Variants in TENM4 observed in about 807,000 individuals in gnomAD.
TENM4 encodes teneurin-4.
Under a neutral mutation model 243.3 loss-of-function variants are expected in TENM4, and 82 were observed. The ratio of observed to expected loss-of-function variants is 0.34; its 90% CI spans 0.28 to 0.40. The LOEUF is 0.40. TENM4 is among the 10% of genes least tolerant of loss of function. The pLI is 1.00. For missense variants in TENM4, 3,138 were observed against 3,673.3 expected (o/e 0.85, Z 3.77); for synonymous variants, 1,412 against 1,456.3 (o/e 0.97, Z 0.69).
chr11:79,034,226 A>G (rs1010571964), intron 6 of TENM4, among the ~76,000 whole-genome samples: 3 of 152,224 alleles, frequency 2.0e-5, no homozygotes, highest in African/African-American at 7.2e-5. Flanking sequence ...AGAAGCTTTC[A>G]TCATGTATAT....
At chr11:79,302,566 T>G (rs2135400550) in intron 1 of TENM4, among the ~76,000 whole-genome samples, 1 of 152,360 alleles carries the variant, frequency 6.6e-6, no homozygotes, top group East Asian at 1.9e-4. Context: ...TTAGCATTAT[T>G]GACTTGATGG....
intron 2 of TENM4, among the ~76,000 whole-genome samples, chr11:79,279,007 G>A (rs973671352): frequency 2.0e-5 from 3 of 152,138 alleles, no homozygotes; most frequent in Non-Finnish European, 4.4e-5. Context: ...TCTGAGCCCA[G>A]ACACACGTCT....
At chr11:79,302,856 C>T (rs1856571521) in intron 1 of TENM4, among the ~76,000 whole-genome samples, 1 of 152,192 alleles carries the variant, frequency 6.6e-6, no homozygotes, top group Non-Finnish European at 1.5e-5. Flanking sequence ...CACCACAAAG[C>T]ACCTTAGGCA....
chr11:78,666,425 T>C lies in TENM4; in HGVS notation c.7408+2512A>G, dbSNP rs778152938. Among the ~76,000 whole-genome samples, 50 of 152,190 alleles carry C rather than the reference T, an allele frequency of 3.3e-4. 1 individual carries two copies. Among genetic ancestry groups the C allele is most frequent in the Non-Finnish European group, 4.4e-5 (3 of 68,032 alleles). The stretch of plus-strand genomic sequence containing the variant: ...ATGGTGGGTTCCTAGTCAAAGAAAT[T>C]TGAGAAAAGCTGCCTTGGACCCTGT... On this transcript the variant is annotated intron_variant, in intron 32 of 33. Coordinates refer to ENST00000278550, the MANE Select transcript of TENM4 (RefSeq NM_001098816.3).
Position 78,722,912 on chromosome 11 carries a change from G to A in TENM4, c.3556C>T (p.Leu1186=). 6.2e-7 allele frequency: 1 copy of A among 1,613,304 alleles called. No homozygotes were observed. ...HHALNIQSGI[L]HKGNGENQFV... is the part of the protein sequence containing the mutation. ...TGGTTCTCCCCATTCCCTTTGTGCA[G>A]GATGCCTGGGACAAGGAAAGAACAG... The change falls in exon 24 of 34, where the codon CTG becomes TTG. Residue 1186 remains leucine, a synonymous_variant. Transcript: ENST00000278550.
intron 6 of TENM4, among the ~76,000 whole-genome samples, chr11:79,032,413 C>T (rs1215550968): frequency 6.6e-6 from 1 of 152,190 alleles, no homozygotes; most frequent in Non-Finnish European, 1.5e-5. Flanking sequence ...AAATGGCTGT[C>T]CAGGGTCACA....
At chr11:78,659,670 T>A (rs550167863) in intron 33 of TENM4, among the ~76,000 whole-genome samples, 3 of 152,286 alleles carry the variant, frequency 2.0e-5, no homozygotes, top group Non-Finnish European at 4.4e-5. Flanking sequence ...CTCCACTGCA[T>A]TTACATCTGA....
intron 2 of TENM4, among the ~76,000 whole-genome samples, chr11:79,235,995 G>A (rs1864463116): frequency 6.6e-6 from 1 of 152,096 alleles, no homozygotes; most frequent in Admixed American, 6.6e-5. Context: ...CTGCTGCCCT[G>A]TAAACAATGC....
intron 4 of TENM4, among the ~76,000 whole-genome samples, chr11:79,087,748 A>G (rs1037546134): frequency 1.3e-5 from 2 of 152,306 alleles, no homozygotes; most frequent in Middle Eastern, 3.4e-3. Flanking sequence ...GAATGTCCTT[A>G]ATCACTCTGC....
At chr11:78,665,807 T>C (rs1344007425) in intron 32 of TENM4, among the ~76,000 whole-genome samples, 1 of 152,230 alleles carries the variant, frequency 6.6e-6, no homozygotes, top group Non-Finnish European at 1.5e-5. Context: ...GATATATCTG[T>C]AGCGGACATT....
intron 6 of TENM4, among the ~76,000 whole-genome samples, chr11:78,934,614 A>G (rs916589991): frequency 1.3e-5 from 2 of 152,202 alleles, no homozygotes; most frequent in African/African-American, 4.8e-5. Flanking sequence ...CTCTCTTCCC[A>G]GAGTGAATTT....
intron 6 of TENM4, among the ~76,000 whole-genome samples, chr11:79,007,134 A>G (rs1481685550): frequency 1.3e-5 from 2 of 152,210 alleles, no homozygotes; most frequent in Non-Finnish European, 2.9e-5. Flanking sequence ...ATGTGAGCCA[A>G]TTCTTTAAAA....
intron 4 of TENM4, among the ~76,000 whole-genome samples, chr11:79,103,258 C>G (rs1490410204): frequency 3.3e-5 from 5 of 152,190 alleles, no homozygotes; most frequent in South Asian, 4.1e-4. Flanking sequence ...ACTCCCCCCT[C>G]CCCTGGGATT....
intron 4 of TENM4, among the ~76,000 whole-genome samples, chr11:79,094,455 G>T (rs1023610572): frequency 2.6e-5 from 4 of 152,128 alleles, no homozygotes; most frequent in African/African-American, 9.7e-5. Context: ...ATCTGACTCC[G>T]AGCCCATATT....
intron 6 of TENM4, among the ~76,000 whole-genome samples, chr11:79,008,941 T>C (rs906418000): frequency 7.2e-5 from 11 of 152,184 alleles, no homozygotes; most frequent in Non-Finnish European, 1.3e-4. Flanking sequence ...TATAAACATA[T>C]CTTCTATGTA....
chr11:78,815,318 G>A lies in TENM4; in HGVS notation c.1682-923C>T, dbSNP rs555882491. ...GGAGACTCACTAGAACCTGGGAGGCGGAAGGTGCAGTGAGCCGAGATTGCA... is the reference window on the plus strand; with the variant it reads ...GGAGACTCACTAGAACCTGGGAGGCAGAAGGTGCAGTGAGCCGAGATTGCA... On this transcript the variant is annotated intron_variant, in intron 12 of 33. Transcript: ENST00000278550. Among the ~76,000 whole-genome samples, 55 of 152,172 alleles carry A rather than the reference G, an allele frequency of 3.6e-4. 1 individual carries two copies. The South Asian group carries it at 0.01, about 28-fold the overall frequency.
At chr11:79,003,459 C>T (rs1858389075) in intron 6 of TENM4, among the ~76,000 whole-genome samples, 1 of 152,070 alleles carries the variant, frequency 6.6e-6, no homozygotes, top group Non-Finnish European at 1.5e-5. Flanking sequence ...GAACTTTCAG[C>T]AGAAATCCCA....
chr11:78,904,384 T>TA (rs201004213), intron 6 of TENM4, among the ~76,000 whole-genome samples: 1,201 of 104,806 alleles, frequency 0.011, 5 homozygotes, highest in Non-Finnish European at 0.015. Context: ...AAGTAAAACA[T>TA]AGAGTTTACT....
chr11:78,780,270 C>T (rs570417035), intron 16 of TENM4, among the ~76,000 whole-genome samples: 3 of 152,316 alleles, frequency 2.0e-5, no homozygotes, highest in Admixed American at 6.5e-5. Flanking sequence ...TTATCTGTCA[C>T]TTTAGTCTTA....
Sources: gnomAD v4.1 joint callset for allele counts (sites outside exome capture counted in the v4.1 genomes callset) on GRCh38, gnomAD v4.1.1 for gene constraint, MANE v1.5 for transcripts, NCBI Gene and HGNC (gene_info 2026-07-23, HGNC 2026-07-21) for gene names.